Variants in KAT5 observed in about 807,000 individuals in gnomAD.
KAT5 encodes lysine acetyltransferase 5.
A neutral mutation model predicts 68.1 loss-of-function variants in KAT5; 31 were observed. The observed-to-expected ratio is 0.46, with a 90% CI of 0.34 to 0.61. The LOEUF (loss-of-function observed/expected upper bound fraction) is 0.61. Ranked by LOEUF, KAT5 falls within the 20% of genes least tolerant of loss-of-function variation. KAT5 has a pLI of 0.01. For missense variants in KAT5, 451 were observed against 725.5 expected (o/e 0.62, Z 4.35); for synonymous variants, 365 against 292.6 (o/e 1.25, Z -2.52).
At position 65,712,385 on chromosome 11, in the gene KAT5, A is replaced by G; in HGVS notation, c.118A>G (p.Ile40Val). Residue 40 changes from isoleucine (I) to valine (V), a missense_variant, in exon 1 of 13, where the codon ATA (isoleucine) becomes GTA (valine). By Grantham distance (29) the Ile-to-Val change is conservative. Transcript: ENST00000341318. ...PGVALSPQGE[I>V]IEGCRLPVLR... is the part of the protein sequence containing the mutation. ...CGTCGCGCTGTCTCCCCAGGGGGAGATAATCGAGGGCTGCCGCCTACCCGT... is the reference window on the plus strand; with the variant it reads ...CGTCGCGCTGTCTCCCCAGGGGGAGGTAATCGAGGGCTGCCGCCTACCCGT... 1.3e-6 allele frequency: 2 copies of G among 1,579,922 alleles called. No homozygotes were observed. The highest frequency in any genetic ancestry group is 1.7e-6 in the Non-Finnish European group (2 of 1,170,396).
chr11:65,717,361 T>A, intron 10 of KAT5: 1 of 329,772 alleles, frequency 3.0e-6, no homozygotes, highest in Non-Finnish European at 5.8e-6. Flanking sequence ...TGTCCCCAGT[T>A]GTCCCCTGAG....
Position 65,718,645 on chromosome 11 carries a change from A to T in KAT5, c.1320A>T (p.Ser440=). ...GKTGTPEKPL[S]DLGLLSYRSY... ...CAGGGACCCCTGAGAAGCCCCTCTC[A>T]GACCTTGGCCTCCTATCCTATCGAA... Residue 440 remains serine, a synonymous_variant, in exon 11 of 13, where the codon TCA becomes TCT. Transcript: ENST00000341318. 1 of 1,614,234 alleles carries T rather than the reference A, an allele frequency of 6.2e-7. No individual in the cohort carries two copies. The highest frequency in any genetic ancestry group is 1.6e-4 in the Middle Eastern group (1 of 6,062).
Position 65,712,917 on chromosome 11 carries a change from TAC to T in KAT5, c.248-3_248-2del. 5 of 1,614,128 alleles carry T rather than the reference TAC, an allele frequency of 3.1e-6. No individual in the cohort carries two copies. The highest frequency in any genetic ancestry group is 4.2e-6 in the Non-Finnish European group (5 of 1,180,012). The stretch of plus-strand genomic sequence containing the variant: ...TTCTGTCCTGAGCCATCCCCACTGC[TAC>T]AGTCAACAAACGTCTGGATGAATGG... On this transcript the variant is annotated splice_polypyrimidine_tract_variant and splice_region_variant and intron_variant, in intron 2 of 12. Coordinates refer to ENST00000341318, the MANE Select transcript of KAT5 (RefSeq NM_182710.3).
chr11:65,714,449 C>A (rs368643538), intron 6 of KAT5, 46 bp from the exon 7 acceptor site: 2 of 1,596,934 alleles, frequency 1.3e-6, no homozygotes, highest in African/African-American at 1.3e-5. Context: ...TGGTGTCCTG[C>A]TGAGCTGTCT....
rs901175630 is a variant in KAT5, at chr11:65,712,988, A to C, written c.314A>C (p.Lys105Thr). The C allele has an allele frequency of 3.7e-6, 6 of 1,614,110 alleles. No homozygotes were observed. The highest frequency in any genetic ancestry group is 5.1e-6 in the Non-Finnish European group (6 of 1,180,028). ...GACCTAAAGAAGATCCAGTTCCCCA[A>C]GAAAGAGGCCAAGACCCCCACTAAG... ...RLDLKKIQFP[K>T]KEAKTPTKNG... The change falls in exon 3 of 13, where the codon AAG becomes ACG. Residue 105 changes from lysine to threonine, a missense_variant. Coordinates refer to ENST00000341318, the MANE Select transcript of KAT5 (RefSeq NM_182710.3).
chr11:65,712,593 G>T (rs965877080), intron 1 of KAT5, 148 bp downstream of exon 1: 1 of 1,210,790 alleles, frequency 8.3e-7, no homozygotes, highest in Non-Finnish European at 1.2e-6. Context: ...TAGCTGCTCC[G>T]AGAGGTACAG....
In KAT5 at chr11:65,712,991, A is replaced by C; in HGVS notation, c.317A>C (p.Lys106Thr). The change falls in exon 3 of 13, where the codon AAA becomes ACA. Residue 106 changes from lysine to threonine, a missense_variant. Lys to Thr is a moderately conservative substitution (Grantham distance 78). This residue lies in a region of KAT5 where 135 missense variants were observed against 173.4 expected (regional missense o/e 0.78). Transcript: ENST00000341318. ...CTAAAGAAGATCCAGTTCCCCAAGA[A>C]AGAGGCCAAGACCCCCACTAAGAAC... ...LDLKKIQFPK[K>T]EAKTPTKNGL... The C allele has an allele frequency of 6.2e-7, 1 of 1,614,008 alleles. No homozygotes were observed.
intron 10 of KAT5, chr11:65,717,393 A>C: frequency 3.7e-6 from 1 of 270,278 alleles, no homozygotes; most frequent in Non-Finnish European, 7.2e-6. Context: ...GGTATCCAAA[A>C]TGCTGTCAGC....
Position 65,719,106 on chromosome 11 carries a change from C to T in KAT5, c.1566C>T (p.Leu522=), listed in dbSNP as rs754675864. 2 of 1,614,102 alleles carry T rather than the reference C, an allele frequency of 1.2e-6. No homozygotes were observed. The highest frequency in any genetic ancestry group is 1.3e-5 in the African/African-American group (1 of 74,932). Reference sequence around the variant, plus strand: ...TGGATGGCCATGAGCGGGCCATGCTCAAGCGGCTCCTGCGGATCGACTCCA... The same window carrying T: ...TGGATGGCCATGAGCGGGCCATGCTTAAGCGGCTCCTGCGGATCGACTCCA... ...DIVDGHERAM[L]KRLLRIDSKC... The change falls in exon 13 of 13, where the codon CTC becomes CTT. Residue 522 remains leucine (L), a synonymous_variant. Coordinates refer to ENST00000341318, the MANE Select transcript of KAT5 (RefSeq NM_182710.3).
chr11:65,713,106 C>G (rs747033439), intron 3 of KAT5, 48 bp downstream of exon 3: 13 of 1,608,598 alleles, frequency 8.1e-6, no homozygotes, highest in African/African-American at 2.7e-5. Flanking sequence ...TCCTATTTCT[C>G]TTGTCTGTTG....
chr11:65,713,696 C>G, intron 5 of KAT5, 29 bp downstream of exon 5: 2 of 1,613,852 alleles, frequency 1.2e-6, no homozygotes. Context: ...CTCTTGTTCT[C>G]TTCCTCTCTT....
At chr11:65,712,891 A>G in intron 2 of KAT5, 31 bp from the exon 3 acceptor site, 3 of 1,614,130 alleles carry the variant, frequency 1.9e-6, no homozygotes, top group Non-Finnish European at 2.5e-6. Flanking sequence ...AGTCTTTGGC[A>G]TTCTGTCCTG....
At chr11:65,712,169 C>T (rs1299158172), upstream of KAT5, 22 of 1,216,640 alleles carry the variant, frequency 1.8e-5, 1 homozygote, top group East Asian at 5.9e-4. Context: ...TCAAAGGTCC[C>T]CCTCTACAGG....
chr11:65,712,707 G>A (rs1857063236), intron 1 of KAT5, 59 bp from the exon 2 acceptor site: 8 of 1,585,838 alleles, frequency 5.0e-6, no homozygotes, highest in Middle Eastern at 1.7e-4. Context: ...TCAGGTCGTG[G>A]AAGGGTGGAG....
chr11:65,713,602 G>C lies in KAT5; in HGVS notation c.550G>C (p.Val184Leu). ...TGGTTTCTCTCTGCAGAAACGGAAG[G>C]TGGAGGTGGTTTCACCAGCAACTCC... is the stretch of plus-strand genomic sequence containing the variant. Reference protein sequence around the residue: ...QPNHRSTKRKVEVVSPATPVP... With the variant: ...QPNHRSTKRKLEVVSPATPVP... The change falls in exon 5 of 13, where the codon GTG becomes CTG. Residue 184 changes from valine (V) to leucine (L), a missense_variant. Val to Leu is a conservative substitution (Grantham distance 32). Transcript: ENST00000341318. 6.2e-7 allele frequency: 1 copy of C among 1,614,142 alleles called. No homozygotes were observed. Among genetic ancestry groups the C allele is most frequent in the South Asian group, 1.1e-5 (1 of 91,084 alleles).
chr11:65,712,411 G>A lies in KAT5; in HGVS notation c.144G>A (p.Val48=), dbSNP rs758895785. ...GEIIEGCRLP[V]LRRNQDNEDE... ...TAATCGAGGGCTGCCGCCTACCCGT[G>A]CTGCGGCGGAACCAGGACAACGAAG... The change falls in exon 1 of 13, where the codon GTG becomes GTA. Residue 48 remains valine, a synonymous_variant. Transcript: ENST00000341318. 4.4e-6 allele frequency: 7 copies of A among 1,591,576 alleles called. No homozygotes were observed. The Admixed American group carries it at 1.2e-4, about 26-fold the overall frequency.
In KAT5 at chr11:65,712,254, T is replaced by G; in HGVS notation, c.-14T>G. The G allele has an allele frequency of 7.1e-7, 1 of 1,400,548 alleles. No homozygotes were observed. The highest frequency in any genetic ancestry group is 1.5e-5 in the African/African-American group (1 of 66,052). The allele number at this position is 1,400,548 out of a possible 1,614,324, so 86.8% of individuals were successfully genotyped here. On this transcript the variant is annotated 5_prime_UTR_variant, in exon 1 of 13. Transcript: ENST00000341318. ...CTCCCAGAGGGGCCGGAAGTGGCAG[T>G]GGAGGGAGGGAAGATGGCGGAGGTG...
intron 10 of KAT5, chr11:65,718,292 G>A: frequency 3.3e-6 from 1 of 303,382 alleles, no homozygotes; most frequent in Non-Finnish European, 6.2e-6. Context: ...CTTCCCATGA[G>A]CCATTTTCTC....
intron 10 of KAT5, 83 bp from the exon 11 acceptor site, chr11:65,718,507 C>T: frequency 6.8e-7 from 1 of 1,464,492 alleles, no homozygotes; most frequent in African/African-American, 1.4e-5. Flanking sequence ...ACTAGGCAGC[C>T]TGCCTTGGCA....
Sources: allele counts gnomAD v4.1 joint callset, GRCh38; gene constraint gnomAD v4.1.1; regional missense constraint gnomAD v4.1.1; transcripts MANE v1.5; gene names NCBI Gene and HGNC (gene_info 2026-07-23, HGNC 2026-07-21).